ADGRV1: variants seen among roughly 807,000 people sequenced by gnomAD.
ADGRV1 encodes the protein G-protein coupled receptor 98.
In ADGRV1, 359 loss-of-function variants were observed where a neutral mutation model predicts 596.2. That is an observed-to-expected ratio of 0.60 (90% CI 0.55 to 0.66). The LOEUF is 0.66. Among genes scored for constraint, ADGRV1 ranks in the 30% least tolerant of loss-of-function variants. The probability of loss-of-function intolerance (pLI) is 0.00; values close to 1 mark genes in which losing one functional copy is unlikely to be tolerated. For synonymous variants in ADGRV1, 2,681 were observed against 2,679.2 expected (o/e 1.00, Z -0.02); for missense variants, 7,274 against 7,575.6 (o/e 0.96, Z 1.48).
At position 90,763,317 on chromosome 5, in the gene ADGRV1, GAA is replaced by G; in HGVS notation, c.12134_12135del (p.Glu4045ValfsTer6). 6.4e-7 allele frequency: 1 copy of G among 1,555,412 alleles called. No homozygotes were observed. The highest frequency in any genetic ancestry group is 8.7e-7 in the Non-Finnish European group (1 of 1,143,036). ...GFEEKTVMID[E>X]SLSSDDPDSY... ...TTTCTTCTTTCAGGTAATGATTGAT[GAA>G]TCCCTTTCATCCGATGACCCTGATT... On this transcript the variant is annotated frameshift_variant, in exon 59 of 90. Coordinates refer to ENST00000405460, the MANE Select transcript of ADGRV1 (RefSeq NM_032119.4). LOFTEE classifies it high-confidence loss of function.
intron 27 of ADGRV1, 34 bp downstream of exon 27, chr5:90,681,488 T>TTTC: frequency 6.3e-7 from 1 of 1,582,250 alleles, no homozygotes; most frequent in Non-Finnish European, 8.6e-7. Context: ...TCCTAGACAC[T>TTTC]TTCTGTTGTT....
At chr5:90,665,292 C>A (rs1771132713) in intron 21 of ADGRV1, among the ~76,000 whole-genome samples, 1 of 152,022 alleles carries the variant, frequency 6.6e-6, no homozygotes, top group Non-Finnish European at 1.5e-5. Flanking sequence ...AATTTCAGAA[C>A]CTGTTATTGG....
chr5:90,689,263 G>A (rs1231919222), intron 29 of ADGRV1, among the ~76,000 whole-genome samples: 1 of 151,900 alleles, frequency 6.6e-6, no homozygotes, highest in African/African-American at 2.4e-5. Context: ...CAGATGGTGG[G>A]GATTGGTTAG....
At chr5:90,866,404 A>C (rs1157109213) in intron 83 of ADGRV1, among the ~76,000 whole-genome samples, 2 of 151,786 alleles carry the variant, frequency 1.3e-5, no homozygotes, top group Non-Finnish European at 2.9e-5. Flanking sequence ...TTTAAAAATC[A>C]AGATTCTGCT....
chr5:90,865,763 T>C (rs2150469694), intron 83 of ADGRV1, among the ~76,000 whole-genome samples: 1 of 152,246 alleles, frequency 6.6e-6, no homozygotes, highest in Non-Finnish European at 1.5e-5. Flanking sequence ...CCTTAAAACC[T>C]TTTAGCTAAG....
At chr5:90,728,132 T>C (rs1348068917) in intron 48 of ADGRV1, among the ~76,000 whole-genome samples, 1 of 152,208 alleles carries the variant, frequency 6.6e-6, no homozygotes, top group Non-Finnish European at 1.5e-5. Context: ...TTCTGTGACA[T>C]TGACCAGCTT....
chr5:90,626,993 G>T (rs1764847217), intron 6 of ADGRV1, among the ~76,000 whole-genome samples: 1 of 152,110 alleles, frequency 6.6e-6, no homozygotes, highest in Admixed American at 6.5e-5. Context: ...TTGTACTATT[G>T]CTTCCTTACG....
intron 83 of ADGRV1, among the ~76,000 whole-genome samples, chr5:90,914,086 C>A (rs1180765956): frequency 6.6e-6 from 1 of 152,078 alleles, no homozygotes; most frequent in Admixed American, 6.6e-5. Context: ...GTTTGAATAT[C>A]CCTTATCCAA....
intron 83 of ADGRV1, among the ~76,000 whole-genome samples, chr5:90,937,119 T>C (rs1461694652): frequency 6.6e-6 from 1 of 152,172 alleles, no homozygotes; most frequent in Non-Finnish European, 1.5e-5. Context: ...CATTACAATA[T>C]ATATTCATCT....
At chr5:90,785,903 A>G (rs1382219890) in intron 67 of ADGRV1, among the ~76,000 whole-genome samples, 2 of 152,234 alleles carry the variant, frequency 1.3e-5, no homozygotes, top group East Asian at 1.9e-4. Flanking sequence ...ATTACTGGGT[A>G]TATACCCAAA....
chr5:90,756,384 A>T (rs748485308), intron 55 of ADGRV1, 70 bp from the exon 56 acceptor site: 1 of 980,714 alleles, frequency 1.0e-6, no homozygotes, highest in Non-Finnish European at 1.5e-6. Flanking sequence ...ACTGAAAAAT[A>T]TCAAGTATTC....
chr5:90,897,913 G>C (rs911319645), intron 83 of ADGRV1, among the ~76,000 whole-genome samples: 1 of 152,188 alleles, frequency 6.6e-6, no homozygotes, highest in Non-Finnish European at 1.5e-5. Context: ...ATGAGGTTTA[G>C]AGGGTGTTGT....
chr5:90,715,063 A>T (rs965097692), intron 42 of ADGRV1, among the ~76,000 whole-genome samples: 12 of 152,214 alleles, frequency 7.9e-5, no homozygotes, highest in Non-Finnish European at 2.9e-5. Context: ...TGAGTTTTCC[A>T]ATTTAGAAAT....
chr5:90,795,541 C>G (rs1238193463), intron 70 of ADGRV1, among the ~76,000 whole-genome samples: 1 of 152,196 alleles, frequency 6.6e-6, no homozygotes, highest in Non-Finnish European at 1.5e-5. Flanking sequence ...GCACAGAGCA[C>G]CTGGGGGAAG....
intron 50 of ADGRV1, among the ~76,000 whole-genome samples, chr5:90,730,157 G>A (rs918286664): frequency 6.6e-6 from 1 of 152,060 alleles, no homozygotes; most frequent in African/African-American, 2.4e-5. Context: ...ACGCCCAGCC[G>A]ACTCTGGGTA....
intron 39 of ADGRV1, among the ~76,000 whole-genome samples, chr5:90,710,141 A>G (rs80051012): frequency 0.037 from 5,698 of 152,232 alleles, 356 homozygotes; most frequent in African/African-American, 0.13. Context: ...CTCTACAGAG[A>G]ATTACACTCT....
intron 47 of ADGRV1, 46 bp downstream of exon 47, chr5:90,725,278 A>G (rs1268139102): frequency 1.7e-6 from 2 of 1,159,242 alleles, no homozygotes; most frequent in Non-Finnish European, 2.4e-6. Flanking sequence ...TTTAAAAGAA[A>G]TTAAGATTTG....
intron 24 of ADGRV1, 56 bp from the exon 25 acceptor site, chr5:90,676,024 A>C: frequency 7.3e-7 from 1 of 1,364,948 alleles, no homozygotes; most frequent in Non-Finnish European, 1.0e-6. Context: ...GAATGATTGT[A>C]ATCTATTCAT....
intron 84 of ADGRV1, among the ~76,000 whole-genome samples, chr5:90,984,162 A>G (rs1486035117): frequency 6.6e-6 from 1 of 152,178 alleles, no homozygotes; most frequent in Non-Finnish European, 1.5e-5. Context: ...CTTGCCCAAG[A>G]TTATCCACTT....
Sources: gnomAD v4.1 joint callset for allele counts (sites outside exome capture counted in the v4.1 genomes callset) on GRCh38, gnomAD v4.1.1 for gene constraint, MANE v1.5 for transcripts, NCBI Gene and HGNC (gene_info 2026-07-23, HGNC 2026-07-21) for gene names.